The following AGMO variants were observed in gnomAD, a reference collection of about 807,000 sequenced individuals.
AGMO encodes the protein alkylglycerol monooxygenase, also known as glyceryl-ether monooxygenase.
Under a neutral mutation model 60.2 loss-of-function variants are expected in AGMO, and 75 were observed. The ratio of observed to expected loss-of-function variants is 1.25; its 90% CI spans 1.03 to 1.51. The LOEUF is 1.51. Among genes scored for constraint, AGMO ranks in the 40% most tolerant of loss-of-function variants. AGMO has a pLI of 0.00. For missense variants in AGMO, 763 were observed against 525.5 expected (o/e 1.45, Z -4.42); for synonymous variants, 261 against 177.1 (o/e 1.47, Z -3.76).
At chr7:15,204,853 G>C (rs548998314) in intron 12 of AGMO, among the ~76,000 whole-genome samples, 2 of 152,230 alleles carry the variant, frequency 1.3e-5, no homozygotes, top group East Asian at 1.9e-4. Flanking sequence ...TTATGTGTGT[G>C]TGTGTTTGTT....
At chr7:15,423,942 C>T (rs1583536894) in intron 4 of AGMO, among the ~76,000 whole-genome samples, 1 of 152,132 alleles carries the variant, frequency 6.6e-6, no homozygotes, top group Non-Finnish European at 1.5e-5. Flanking sequence ...TACTTTGTTA[C>T]AGCAGCCTCA....
intron 12 of AGMO, among the ~76,000 whole-genome samples, chr7:15,255,097 C>T (rs968502890): frequency 1.3e-5 from 2 of 152,154 alleles, no homozygotes; most frequent in African/African-American, 4.8e-5. Context: ...TCTCAGCAAA[C>T]TATCACAAGA....
At chr7:15,434,502 C>G (rs187440647) in intron 3 of AGMO, among the ~76,000 whole-genome samples, 1 of 152,062 alleles carries the variant, frequency 6.6e-6, no homozygotes, top group South Asian at 2.1e-4. Flanking sequence ...AGCTGGCTAC[C>G]TTGTTATGAG....
chr7:15,459,974 A>G (rs1782101230), intron 3 of AGMO, among the ~76,000 whole-genome samples: 2 of 152,036 alleles, frequency 1.3e-5, no homozygotes, highest in Admixed American at 6.6e-5. Flanking sequence ...TACTGATTAA[A>G]TATTCATTTA....
At chr7:15,372,824 A>T in intron 10 of AGMO, among the ~76,000 whole-genome samples, 1 of 152,334 alleles carries the variant, frequency 6.6e-6, no homozygotes, top group Non-Finnish European at 1.5e-5. Flanking sequence ...TCTCTGTCCT[A>T]AAGTGCTAAA....
the AGMO span, among the ~76,000 whole-genome samples, chr7:15,158,258 C>G: frequency 6.6e-6 from 1 of 152,234 alleles, no homozygotes; most frequent in South Asian, 2.1e-4. Flanking sequence ...ATGCATCTAG[C>G]AACCTCCCTT....
At chr7:15,324,309 C>T (rs1583409179) in intron 12 of AGMO, among the ~76,000 whole-genome samples, 1 of 152,106 alleles carries the variant, frequency 6.6e-6, no homozygotes, top group South Asian at 2.1e-4. Context: ...GCAACCCTGT[C>T]CCCACGTGTT....
intron 12 of AGMO, among the ~76,000 whole-genome samples, chr7:15,292,431 G>A (rs963160779): frequency 1.3e-5 from 2 of 152,128 alleles, no homozygotes; most frequent in Admixed American, 1.3e-4. Flanking sequence ...CAAGGAAAAC[G>A]TAAGATTGGT....
chr7:15,213,366 G>C (rs1034405842), intron 12 of AGMO, among the ~76,000 whole-genome samples: 1 of 151,370 alleles, frequency 6.6e-6, no homozygotes, highest in African/African-American at 2.4e-5. Context: ...CAATGCGAGG[G>C]TAGAAATAGA....
At chr7:15,143,366 G>C in the AGMO span, among the ~76,000 whole-genome samples, 1 of 152,134 alleles carries the variant, frequency 6.6e-6, no homozygotes, top group Non-Finnish European at 1.5e-5. Flanking sequence ...GACATGCTGA[G>C]GTGGTGCTCA....
the AGMO span, among the ~76,000 whole-genome samples, chr7:15,176,034 G>A: frequency 6.6e-6 from 1 of 151,966 alleles, no homozygotes; most frequent in Non-Finnish European, 1.5e-5. Context: ...ATGTAATGTT[G>A]TTGGGAGCAA....
chr7:15,145,202 G>A, the AGMO span, among the ~76,000 whole-genome samples: 28 of 152,058 alleles, frequency 1.8e-4, no homozygotes, highest in African/African-American at 5.8e-4. Flanking sequence ...AAAAAGATGA[G>A]GTAAAATAGT....
intron 4 of AGMO, among the ~76,000 whole-genome samples, chr7:15,422,081 T>A (rs1402324763): frequency 1.3e-5 from 2 of 152,044 alleles, no homozygotes; most frequent in Non-Finnish European, 2.9e-5. Context: ...TTTGCAGGTA[T>A]GAATCAGCAG....
At chr7:15,251,916 T>A (rs144953738) in intron 12 of AGMO, among the ~76,000 whole-genome samples, 2 of 152,348 alleles carry the variant, frequency 1.3e-5, no homozygotes, top group East Asian at 3.9e-4. Flanking sequence ...CTCCTGACAT[T>A]CAGATAAGCC....
intron 12 of AGMO, among the ~76,000 whole-genome samples, chr7:15,230,255 C>T (rs7803307): frequency 0.48 from 73,580 of 151,856 alleles, 18,056 homozygotes; most frequent in Admixed American, 0.55. Context: ...CAGACAAAAG[C>T]CCTTTTTCTT....
At chr7:15,316,487 G>A (rs1198138334) in intron 12 of AGMO, among the ~76,000 whole-genome samples, 3 of 152,124 alleles carry the variant, frequency 2.0e-5, no homozygotes, top group Admixed American at 2.0e-4. Flanking sequence ...GATAAACCTG[G>A]CACAGGCTGT....
chr7:15,309,044 C>G (rs1487418013), intron 12 of AGMO, among the ~76,000 whole-genome samples: 1 of 152,104 alleles, frequency 6.6e-6, no homozygotes, highest in African/African-American at 2.4e-5. Context: ...AGGCACTGGG[C>G]TGAAACCATT....
intron 12 of AGMO, among the ~76,000 whole-genome samples, chr7:15,344,865 T>C (rs1421400848): frequency 6.6e-6 from 1 of 152,166 alleles, no homozygotes; most frequent in Non-Finnish European, 1.5e-5. Flanking sequence ...TTTATCTGAA[T>C]GCGTTACCTT....
chr7:15,320,914 T>C (rs377581807), intron 12 of AGMO, among the ~76,000 whole-genome samples: 2 of 152,328 alleles, frequency 1.3e-5, no homozygotes, highest in East Asian at 3.9e-4. Flanking sequence ...TTAACTGTTG[T>C]GTGACTTGCA....
Sources: gnomAD v4.1 joint callset for allele counts (sites outside exome capture counted in the v4.1 genomes callset) on GRCh38, gnomAD v4.1.1 for gene constraint, MANE v1.5 for transcripts, NCBI Gene and HGNC (gene_info 2026-07-23, HGNC 2026-07-21) for gene names.